Variants in ITGB5 observed in about 807,000 individuals in gnomAD.
ITGB5 encodes integrin beta-5.
Under a neutral mutation model 84.8 loss-of-function variants are expected in ITGB5, and 38 were observed. The ratio of observed to expected loss-of-function variants is 0.45; its 90% CI spans 0.35 to 0.59. The LOEUF is 0.59. Ranked by LOEUF, ITGB5 falls within the 20% of genes least tolerant of loss-of-function variation. The pLI is 0.01. For synonymous variants in ITGB5, 393 were observed against 414.4 expected, an observed-to-expected ratio of 0.95 and a Z score of 0.63; for missense variants, 905 against 1,034.5, an observed-to-expected ratio of 0.87 and a Z score of 1.72.
chr3:124,881,259 T>TA lies in ITGB5; in HGVS notation c.70+5671dup, dbSNP rs554493099. ...TCGGCCTCCCAAAGTGCTGGGATGA[T>TA]AGGTGTGAGCCACCCTGCCTGGCCA... On this transcript the variant is annotated intron_variant, in intron 1 of 14. Transcript: ENST00000296181. Among the ~76,000 whole-genome samples, 323 of 152,162 alleles carry TA rather than the reference T, an allele frequency of 2.1e-3. 2 individuals are homozygous for TA. Among genetic ancestry groups the TA allele is most frequent in the African/African-American group, 7.4e-3 (309 of 41,546 alleles).
intron 2 of ITGB5, among the ~76,000 whole-genome samples, chr3:124,863,544 A>C (rs2065336470): frequency 6.6e-6 from 1 of 152,168 alleles, no homozygotes; most frequent in Admixed American, 6.5e-5. Flanking sequence ...TTTGAGACGG[A>C]GTCTCACTCT....
intron 5 of ITGB5, among the ~76,000 whole-genome samples, chr3:124,829,857 C>T (rs554621700): frequency 5.9e-5 from 9 of 152,298 alleles, no homozygotes; most frequent in Admixed American, 2.6e-4. Context: ...TCTCATCACT[C>T]GCCTCTCTCT....
chr3:124,890,214 T>C (rs1237721766), upstream of ITGB5, among the ~76,000 whole-genome samples: 3 of 146,478 alleles, frequency 2.0e-5, no homozygotes, highest in South Asian at 2.3e-4. Flanking sequence ...TTTTTTTTTT[T>C]TTTTTTGGAG....
Position 124,809,159 on chromosome 3 carries a change from G to A in ITGB5, c.1129-3C>T. The A allele has an allele frequency of 6.2e-7, 1 of 1,613,872 alleles. No individual in the cohort carries two copies. Among genetic ancestry groups the A allele is most frequent in the East Asian group, 2.2e-5 (1 of 44,868 alleles). On this transcript the variant is annotated splice_region_variant and splice_polypyrimidine_tract_variant and intron_variant, in intron 8 of 14. Coordinates refer to ENST00000296181, the MANE Select transcript of ITGB5 (RefSeq NM_002213.5). ...AACTCCACTTTAGACCGGATACTCT[G>A]AATGGAGAGAGAAAATGAAGCCCAA... is the stretch of plus-strand genomic sequence containing the variant.
intron 10 of ITGB5, among the ~76,000 whole-genome samples, chr3:124,783,173 T>C (rs977221759): frequency 1.3e-5 from 2 of 150,496 alleles, no homozygotes; most frequent in African/African-American, 4.9e-5. Flanking sequence ...CGCCTGTAAT[T>C]CCAGCTACTC....
upstream of ITGB5, chr3:124,887,739 G>C (rs563652168): frequency 2.4e-5 from 11 of 450,248 alleles, no homozygotes; most frequent in South Asian, 1.6e-4. Flanking sequence ...TAGACTGCGA[G>C]AGGGAGAGCA....
intron 10 of ITGB5, among the ~76,000 whole-genome samples, chr3:124,784,862 G>T (rs536217997): frequency 6.6e-6 from 1 of 152,244 alleles, no homozygotes; most frequent in Admixed American, 6.5e-5. Flanking sequence ...GGATGCGAGG[G>T]TTACTATTTT....
At chr3:124,813,867 G>C (rs2064543423) in intron 8 of ITGB5, among the ~76,000 whole-genome samples, 1 of 152,124 alleles carries the variant, frequency 6.6e-6, no homozygotes, top group African/African-American at 2.4e-5. Flanking sequence ...CAGAGGTCAT[G>C]GAGTGGGGCT....
At chr3:124,771,747 T>TAAAAAAAA (rs2063847016) in intron 11 of ITGB5, among the ~76,000 whole-genome samples, 2 of 67,698 alleles carry the variant, frequency 3.0e-5, no homozygotes, top group African/African-American at 8.0e-5. Flanking sequence ...AGACCCTGTC[T>TAAAAAAAA]CAAAAAAAAA....
At chr3:124,764,149 G>A (rs1008854142) in intron 14 of ITGB5, among the ~76,000 whole-genome samples, 5 of 152,126 alleles carry the variant, frequency 3.3e-5, no homozygotes, top group East Asian at 1.9e-4. Context: ...CCTGAGGCAC[G>A]CCCAGCGCCT....
intron 1 of ITGB5, among the ~76,000 whole-genome samples, chr3:124,897,950 G>A (rs369386671): frequency 6.6e-6 from 1 of 152,098 alleles, no homozygotes; most frequent in Non-Finnish European, 1.5e-5. Context: ...AATATGATGT[G>A]GGGGGAAATG....
At chr3:124,822,061 T>C (rs560398569) in intron 5 of ITGB5, among the ~76,000 whole-genome samples, 4 of 150,040 alleles carry the variant, frequency 2.7e-5, no homozygotes, top group African/African-American at 7.3e-5. Context: ...TTGAGCCACA[T>C]TGGTAGTTAA....
intron 3 of ITGB5, among the ~76,000 whole-genome samples, chr3:124,858,345 A>G (rs748749640): frequency 3.9e-5 from 6 of 152,150 alleles, no homozygotes; most frequent in Non-Finnish European, 5.9e-5. Context: ...TACAGACTCA[A>G]ATGGAATTTG....
intron 2 of ITGB5, among the ~76,000 whole-genome samples, chr3:124,867,988 G>T (rs2065417695): frequency 6.6e-6 from 1 of 152,154 alleles, no homozygotes. Context: ...CATGGGGGCG[G>T]TTTCCCCTAT....
At chr3:124,887,991 A>C (rs1188072425), upstream of ITGB5, among the ~76,000 whole-genome samples, 3 of 145,498 alleles carry the variant, frequency 2.1e-5, no homozygotes, top group Non-Finnish European at 4.5e-5. Context: ...GTCTTGGCTC[A>C]CTGCAGCCTG....
At chr3:124,773,636 C>T (rs558673395) in intron 11 of ITGB5, 54 bp downstream of exon 11, 4 of 1,560,238 alleles carry the variant, frequency 2.6e-6, no homozygotes, top group South Asian at 1.1e-5. Flanking sequence ...CCTGGCTGGA[C>T]CACAGGCCTG....
intron 1 of ITGB5, among the ~76,000 whole-genome samples, chr3:124,874,803 T>C (rs1934231653): frequency 6.6e-6 from 1 of 152,180 alleles, no homozygotes; most frequent in South Asian, 2.1e-4. Flanking sequence ...GATATCCATA[T>C]ACAGAAGAAT....
At chr3:124,830,189 AC>A (rs2064840983) in intron 5 of ITGB5, among the ~76,000 whole-genome samples, 1 of 152,126 alleles carries the variant, frequency 6.6e-6, no homozygotes, top group Non-Finnish European at 1.5e-5. Flanking sequence ...AAGGAGTCAC[AC>A]TCTGGCTACA....
chr3:124,870,912 A>T (rs1933991040), intron 2 of ITGB5, among the ~76,000 whole-genome samples: 2 of 151,966 alleles, frequency 1.3e-5, no homozygotes, highest in South Asian at 4.1e-4. Flanking sequence ...CTTTTTTGAG[A>T]CAGGGTCTTG....
Sources: allele counts gnomAD v4.1 joint callset (sites outside exome capture counted in the v4.1 genomes callset), GRCh38; gene constraint gnomAD v4.1.1; transcripts MANE v1.5; gene names NCBI Gene and HGNC (gene_info 2026-07-23, HGNC 2026-07-21).